Variants in PCDH11X observed in about 807,000 individuals in gnomAD.
The protein encoded by PCDH11X is protocadherin-11 X-linked.
In PCDH11X, 18 loss-of-function variants were observed where a neutral mutation model predicts 53.3. The observed-to-expected ratio is 0.34, with a 90% CI of 0.23 to 0.50. The LOEUF (loss-of-function observed/expected upper bound fraction) is 0.50. PCDH11X is among the 20% of genes least tolerant of loss of function. The pLI, the probability that PCDH11X is intolerant of heterozygous loss-of-function variation, is 0.98. For missense variants in PCDH11X, 570 were observed against 1,032.4 expected (o/e 0.55, Z 6.14); for synonymous variants, 279 against 393.3 (o/e 0.71, Z 3.44).
At chrX:91,892,523 T>G (rs1344266833) in intron 6 of PCDH11X, among the ~76,000 whole-genome samples, 1 of 111,180 alleles carries the variant, frequency 9.0e-6, no homozygotes, top group Non-Finnish European at 1.9e-5. Context: ...TTGTCATTTC[T>G]TCTGCTACCC....
intron 6 of PCDH11X, among the ~76,000 whole-genome samples, chrX:92,164,064 T>G (rs2148264407): frequency 8.9e-6 from 1 of 112,295 alleles, no homozygotes. Flanking sequence ...TTTTCAAATT[T>G]AACTGACATT....
At chrX:92,178,339 A>G (rs923140901) in intron 6 of PCDH11X, among the ~76,000 whole-genome samples, 3 of 111,716 alleles carry the variant, frequency 2.7e-5, no homozygotes, top group African/African-American at 9.7e-5. Flanking sequence ...TCTTCTTTAT[A>G]CATAGTATTG....
intron 1 of PCDH11X, among the ~76,000 whole-genome samples, chrX:91,784,916 C>A (rs1935278412): frequency 9.0e-6 from 1 of 111,538 alleles, no homozygotes; most frequent in Admixed American, 9.6e-5. Context: ...AAATTTTCGT[C>A]ATCAAGGTTT....
intron 8 of PCDH11X, among the ~76,000 whole-genome samples, chrX:92,358,546 G>T (rs1309040474): frequency 1.1e-5 from 1 of 88,017 alleles, no homozygotes; most frequent in African/African-American, 4.2e-5. Flanking sequence ...TGCTTAGGTA[G>T]ACTTTGTGCT....
At chrX:91,993,234 A>G (rs772890982) in intron 6 of PCDH11X, among the ~76,000 whole-genome samples, 1 of 113,058 alleles carries the variant, frequency 8.8e-6, no homozygotes, top group East Asian at 2.8e-4. Flanking sequence ...GAAATTTGTT[A>G]AAGTTTAGAG....
At chrX:91,827,493 G>T (rs1401689787) in intron 4 of PCDH11X, among the ~76,000 whole-genome samples, 1 of 110,233 alleles carries the variant, frequency 9.1e-6, no homozygotes, top group Non-Finnish European at 1.9e-5. Context: ...CTTTTGTTGT[G>T]ATTGTTTTTG....
At chrX:92,126,254 G>A (rs1032294510) in intron 6 of PCDH11X, among the ~76,000 whole-genome samples, 2 of 111,834 alleles carry the variant, frequency 1.8e-5, no homozygotes, top group Non-Finnish European at 3.8e-5. Flanking sequence ...ATGCATTTAT[G>A]TTCTCCTACT....
Position 91,998,049 on chromosome X carries a change from T to A in PCDH11X, c.3033+118776T>A, listed in dbSNP as rs920970990. Among the ~76,000 whole-genome samples the A allele has an allele frequency of 2.6e-4, 29 of 109,863 alleles. 1 individual carries two copies. Among genetic ancestry groups the A allele is most frequent in the South Asian group, 4.0e-4 (1 of 2,490 alleles). On this transcript the variant is annotated intron_variant, in intron 6 of 10. Transcript: ENST00000682573. ...CCCAGGTTCAAGTGATTCTTCTGCC[T>A]CAGCCTCCTGAGTAGCTGGGATTAC...
chrX:92,101,419 T>TC (rs2064247779), intron 6 of PCDH11X, among the ~76,000 whole-genome samples: 1 of 111,492 alleles, frequency 9.0e-6, no homozygotes, highest in Non-Finnish European at 1.9e-5. Context: ...TGTCCAGTCC[T>TC]TTTTGGTGGC....
intron 8 of PCDH11X, among the ~76,000 whole-genome samples, chrX:92,362,208 G>A (rs1308496692): frequency 5.5e-5 from 6 of 109,104 alleles, no homozygotes; most frequent in African/African-American, 2.0e-4. Context: ...TTGAGAAATC[G>A]CTACACTGTT....
intron 7 of PCDH11X, among the ~76,000 whole-genome samples, chrX:92,207,222 G>A (rs2066491592): frequency 9.0e-6 from 1 of 111,658 alleles, no homozygotes; most frequent in Non-Finnish European, 1.9e-5. Flanking sequence ...ATACTTAGAG[G>A]AAGTAGAGAG....
chrX:92,009,903 C>T (rs1301942437), intron 6 of PCDH11X, among the ~76,000 whole-genome samples: 1 of 109,483 alleles, frequency 9.1e-6, no homozygotes, highest in Non-Finnish European at 1.9e-5. Context: ...CGGGGTTTCA[C>T]CATGCTGGTC....
intron 9 of PCDH11X, among the ~76,000 whole-genome samples, chrX:92,421,050 C>T (rs972370394): frequency 9.0e-6 from 1 of 111,714 alleles, no homozygotes; most frequent in Non-Finnish European, 1.9e-5. Flanking sequence ...AGTTCATTGA[C>T]TCTTGCCTCT....
At chrX:92,360,955 AT>A (rs35008853) in intron 8 of PCDH11X, among the ~76,000 whole-genome samples, 2 of 103,442 alleles carry the variant, frequency 1.9e-5, no homozygotes, top group East Asian at 3.0e-4. Flanking sequence ...TCTGGGCAGT[AT>A]TTTTTTTTTA....
intron 10 of PCDH11X, among the ~76,000 whole-genome samples, chrX:92,498,443 A>G (rs934813496): frequency 9.0e-6 from 1 of 111,266 alleles, no homozygotes; most frequent in African/African-American, 3.3e-5. Context: ...CTAATTATAC[A>G]AACAATTTAT....
At chrX:91,912,876 C>T (rs1602482275) in intron 6 of PCDH11X, among the ~76,000 whole-genome samples, 1 of 112,144 alleles carries the variant, frequency 8.9e-6, no homozygotes, top group South Asian at 3.7e-4. Context: ...TGTATGTTCC[C>T]AAAGTGTGAG....
intron 8 of PCDH11X, among the ~76,000 whole-genome samples, chrX:92,371,166 GTAATGTCTTA>G (rs1183657988): frequency 4.5e-5 from 5 of 110,802 alleles, no homozygotes; most frequent in African/African-American, 1.6e-4. Flanking sequence ...CTATGCCAGT[GTAATGTCTTA>G]TAATGTCTTA....
chrX:92,611,909 T>C (rs1927432860), intron 10 of PCDH11X, among the ~76,000 whole-genome samples: 2 of 105,063 alleles, frequency 1.9e-5, no homozygotes, highest in African/African-American at 7.0e-5. Context: ...GTACCAATCT[T>C]GCATCCCAAG....
chrX:92,542,009 T>C, intron 10 of PCDH11X, among the ~76,000 whole-genome samples: 1 of 111,939 alleles, frequency 8.9e-6, no homozygotes, highest in Non-Finnish European at 1.9e-5. Context: ...GATAGGTGTA[T>C]GTTTTCCAGT....
Sources: allele counts gnomAD v4.1 joint callset (sites outside exome capture counted in the v4.1 genomes callset), GRCh38; gene constraint gnomAD v4.1.1; transcripts MANE v1.5; gene names NCBI Gene and HGNC (gene_info 2026-07-23, HGNC 2026-07-21).